The following ANKS1B variants were observed in gnomAD, a reference collection of about 807,000 sequenced individuals.
ANKS1B encodes the protein ankyrin repeat and sterile alpha motif domain containing 1B, also known as ankyrin repeat and sterile alpha motif domain-containing protein 1B.
In ANKS1B, 36 loss-of-function variants were observed where a neutral mutation model predicts 148.3. That is an observed-to-expected ratio of 0.24 (90% CI 0.19 to 0.32). ANKS1B has a LOEUF of 0.32. Ranked by LOEUF, ANKS1B falls within the 10% of genes least tolerant of loss-of-function variation. ANKS1B has a pLI of 1.00. For synonymous variants in ANKS1B, 542 were observed against 560.8 expected (o/e 0.97, Z 0.47); for missense variants, 1,157 against 1,542.6 (o/e 0.75, Z 4.19).
intron 15 of ANKS1B, among the ~76,000 whole-genome samples, chr12:99,142,252 G>C (rs1472453586): frequency 6.6e-6 from 1 of 152,040 alleles, no homozygotes; most frequent in Non-Finnish European, 1.5e-5. Context: ...TCAAAGGCCA[G>C]AGAAAGATCG....
chr12:99,098,619 C>CTTTTTTTTTT lies in ANKS1B; in HGVS notation c.2527-13606_2527-13597dup, dbSNP rs71081896. On this transcript the variant is annotated intron_variant, in intron 15 of 26. Coordinates refer to ENST00000683438, the MANE Select transcript of ANKS1B (RefSeq NM_001352186.2). ...AATAAAGCATGCCTGCTAGGAACTA[C>CTTTTTTTTTT]TTTTTTTTTTTTTTTTTTTTTTTTT... is the stretch of plus-strand genomic sequence containing the variant. Among the ~76,000 whole-genome samples, 38 of 32,118 alleles carry CTTTTTTTTTT rather than the reference C, an allele frequency of 1.2e-3. 3 individuals carry two copies. Among genetic ancestry groups the CTTTTTTTTTT allele is most frequent in the African/African-American group, 1.9e-3 (18 of 9,460 alleles). 21.1% of individuals were successfully genotyped at this position (32,118 alleles called of 152,430 possible). A position where few individuals can be genotyped will look rare whatever the true frequency, so the allele number is the denominator to read the frequency against.
intron 17 of ANKS1B, among the ~76,000 whole-genome samples, chr12:98,854,207 G>C (rs1448759132): frequency 6.6e-6 from 1 of 152,190 alleles, no homozygotes; most frequent in African/African-American, 2.4e-5. Flanking sequence ...GCTTAATGTA[G>C]ACCAGGAAAG....
chr12:99,259,366 G>A (rs548985688), intron 12 of ANKS1B, among the ~76,000 whole-genome samples: 3 of 152,276 alleles, frequency 2.0e-5, no homozygotes, highest in Non-Finnish European at 4.4e-5. Context: ...ACTTAAGACC[G>A]GCAGCTGCCT....
At chr12:99,883,368 C>T (rs957575224) in intron 1 of ANKS1B, among the ~76,000 whole-genome samples, 4 of 152,126 alleles carry the variant, frequency 2.6e-5, no homozygotes, top group Non-Finnish European at 5.9e-5. Flanking sequence ...GAACCTCACG[C>T]ATTATACAGA....
intron 12 of ANKS1B, among the ~76,000 whole-genome samples, chr12:99,282,971 A>G (rs574925932): frequency 6.6e-6 from 1 of 152,290 alleles, no homozygotes; most frequent in Non-Finnish European, 1.5e-5. Context: ...AATTGAGAAA[A>G]AAAGAAAAGA....
intron 1 of ANKS1B, among the ~76,000 whole-genome samples, chr12:99,916,171 C>A (rs115423456): frequency 2.3e-3 from 344 of 152,174 alleles, no homozygotes; most frequent in African/African-American, 7.9e-3. Flanking sequence ...GTTCTCAGAC[C>A]CAGAGCCCAT....
At chr12:99,820,154 T>C (rs896642201) in intron 2 of ANKS1B, among the ~76,000 whole-genome samples, 1 of 151,988 alleles carries the variant, frequency 6.6e-6, no homozygotes, top group Admixed American at 6.6e-5. Flanking sequence ...GGTAATAATT[T>C]TCTAATCTGT....
intron 8 of ANKS1B, among the ~76,000 whole-genome samples, chr12:99,718,509 A>G (rs900569864): frequency 6.6e-6 from 1 of 152,178 alleles, no homozygotes; most frequent in African/African-American, 2.4e-5. Context: ...AGCATGCTTT[A>G]AAAGGATTAA....
chr12:99,549,507 C>G (rs2097199499), intron 9 of ANKS1B, among the ~76,000 whole-genome samples: 3 of 152,122 alleles, frequency 2.0e-5, no homozygotes, highest in Non-Finnish European at 4.4e-5. Flanking sequence ...CTTCCTTCTT[C>G]TCTCCCTCAC....
intron 8 of ANKS1B, among the ~76,000 whole-genome samples, chr12:99,670,684 G>A (rs1500657): frequency 1.1e-4 from 17 of 151,866 alleles, no homozygotes; most frequent in Non-Finnish European, 2.2e-4. Context: ...CTAAAACAAG[G>A]TATTAGAAAA....
rs11109976 is a variant in ANKS1B at position 99,655,061 on chromosome 12, T to A, written c.1272+6A>T. 0.11 allele frequency: 172,252 copies of A among 1,559,686 alleles called. 16,202 individuals carry two copies. Among genetic ancestry groups the A allele is most frequent in the East Asian group, 0.46 (20,097 of 43,986 alleles). ...TTATTGTACCTTAATAAAAGCAAAC[T>A]TTTACCTGGGCAAGCATGGGGAAGC... On this transcript the variant is annotated splice_donor_region_variant and intron_variant, in intron 9 of 26. Coordinates refer to ENST00000683438, the MANE Select transcript of ANKS1B (RefSeq NM_001352186.2).
intron 19 of ANKS1B, among the ~76,000 whole-genome samples, chr12:98,819,488 C>T (rs2099167140): frequency 6.6e-6 from 1 of 152,152 alleles, no homozygotes; most frequent in Admixed American, 6.5e-5. Context: ...TTTGTTGTTT[C>T]AGAAGATATC....
At chr12:99,809,162 T>A (rs1259790726) in intron 3 of ANKS1B, among the ~76,000 whole-genome samples, 1 of 152,146 alleles carries the variant, frequency 6.6e-6, no homozygotes, top group African/African-American at 2.4e-5. Context: ...AAAAGTTTTT[T>A]AATTCCTTCT....
chr12:99,655,259 G>A, intron 8 of ANKS1B, 49 bp from the exon 9 acceptor site: 1 of 1,439,078 alleles, frequency 6.9e-7, no homozygotes, highest in Non-Finnish European at 9.4e-7. Flanking sequence ...ATGATATTTA[G>A]ATATCTTAAC....
At chr12:99,313,526 C>T (rs1005738541) in intron 12 of ANKS1B, among the ~76,000 whole-genome samples, 1 of 152,174 alleles carries the variant, frequency 6.6e-6, no homozygotes, top group Non-Finnish European at 1.5e-5. Context: ...CAATAAAATA[C>T]TGGCAAACCG....
chr12:99,425,270 T>C (rs891495808), intron 11 of ANKS1B, among the ~76,000 whole-genome samples: 2 of 152,026 alleles, frequency 1.3e-5, no homozygotes, highest in Admixed American at 1.3e-4. Flanking sequence ...AGTTACCATA[T>C]AATTAAGTTA....
chr12:99,155,056 A>G, intron 14 of ANKS1B: 1 of 1,535,042 alleles, frequency 6.5e-7, no homozygotes, highest in African/African-American at 1.4e-5. Context: ...AAGTGCTTAA[A>G]TCTGAATTGA....
In ANKS1B at chr12:99,621,461, GAA is replaced by G. The variant is rs199847091; in HGVS notation, c.1272+33604_1272+33605del. ...CTTAAAATCACAGAGAGGCAAATTG[GAA>G]AAAAAAAAAAAAAACAAGACCCATC... On this transcript the variant is annotated intron_variant, in intron 9 of 26. Transcript: ENST00000683438. Among the ~76,000 whole-genome samples the G allele has an allele frequency of 1.9e-3, 218 of 112,768 alleles. 2 individuals are homozygous for G. Among genetic ancestry groups the G allele is most frequent in the African/African-American group, 6.2e-3 (205 of 32,858 alleles). The allele number at this position is 112,768 out of a possible 152,430, so 74.0% of individuals were successfully genotyped here. A position where few individuals can be genotyped will look rare whatever the true frequency, so the allele number is the denominator to read the frequency against.
chr12:99,755,356 GC>G (rs2061465113), intron 8 of ANKS1B, among the ~76,000 whole-genome samples: 1 of 151,702 alleles, frequency 6.6e-6, no homozygotes, highest in African/African-American at 2.4e-5. Flanking sequence ...ATAATAAACA[GC>G]CTACCAACCA....
Sources: allele counts gnomAD v4.1 joint callset (sites outside exome capture counted in the v4.1 genomes callset), GRCh38; gene constraint gnomAD v4.1.1; transcripts MANE v1.5; gene names NCBI Gene and HGNC (gene_info 2026-07-23, HGNC 2026-07-21).